The following GPM6A variants were observed in gnomAD, a reference collection of about 807,000 sequenced individuals.
GPM6A encodes neuronal membrane glycoprotein M6-a.
GPM6A carries 7 observed loss-of-function variants against 32.1 expected under a neutral mutation model. That is an observed-to-expected ratio of 0.22 (90% CI 0.12 to 0.41). The LOEUF (loss-of-function observed/expected upper bound fraction) is 0.41. Ranked by LOEUF, GPM6A falls within the 10% of genes least tolerant of loss-of-function variation. GPM6A has a pLI of 1.00. For synonymous variants in GPM6A, 130 were observed against 123.4 expected, an observed-to-expected ratio of 1.05 and a Z score of -0.35; for missense variants, 235 against 347.2, an observed-to-expected ratio of 0.68 and a Z score of 2.57.
At chr4:175,907,720 G>A (rs1338153781) in intron 1 of GPM6A, among the ~76,000 whole-genome samples, 2 of 152,066 alleles carry the variant, frequency 1.3e-5, no homozygotes, top group South Asian at 2.1e-4. Context: ...GGCTTGCTAT[G>A]TTTCTTCTGG....
At chr4:175,888,982 A>T (rs769074848) in intron 1 of GPM6A, among the ~76,000 whole-genome samples, 10 of 152,196 alleles carry the variant, frequency 6.6e-5, no homozygotes, top group Non-Finnish European at 1.3e-4. Context: ...TAGAGCCTAG[A>T]AATAGATCCC....
chr4:175,795,786 A>G lies in GPM6A; in HGVS notation c.37+16405T>C, dbSNP rs1734197540. ...AATATGATAAAATAAAATAAGTAAAAGTACCGTGGCTTCCAACTTACATGG... is the reference window on the plus strand; with the variant it reads ...AATATGATAAAATAAAATAAGTAAAGGTACCGTGGCTTCCAACTTACATGG... On this transcript the variant is annotated intron_variant, in intron 1 of 6. Coordinates refer to ENST00000393658, the MANE Select transcript of GPM6A (RefSeq NM_201591.3). The G allele has an allele frequency of 2.6e-5, 4 of 152,182 alleles. No individual in the cohort carries two copies. The South Asian group carries it at 8.3e-4, about 31-fold the overall frequency. 9.4% of individuals were successfully genotyped at this position (152,182 alleles called of 1,614,324 possible).
chr4:175,655,981 C>T (rs1176171748), intron 3 of GPM6A, among the ~76,000 whole-genome samples: 1 of 151,952 alleles, frequency 6.6e-6, no homozygotes, highest in Non-Finnish European at 1.5e-5. Flanking sequence ...CATAAGGAAA[C>T]TATTTCTGTC....
intron 6 of GPM6A, among the ~76,000 whole-genome samples, chr4:175,637,780 T>G (rs1487631356): frequency 1.2e-5 from 1 of 82,602 alleles, no homozygotes; most frequent in Non-Finnish European, 2.3e-5. Flanking sequence ...ATAATCTATA[T>G]ATAATATATA....
intron 1 of GPM6A, chr4:175,962,009 A>G (rs1343016363): frequency 8.5e-6 from 5 of 585,262 alleles, no homozygotes; most frequent in African/African-American, 5.6e-5. Flanking sequence ...AGGGGAGCAC[A>G]ACTGAAAATG....
At chr4:175,896,974 T>G (rs1408697766) in intron 1 of GPM6A, among the ~76,000 whole-genome samples, 1 of 152,130 alleles carries the variant, frequency 6.6e-6, no homozygotes, top group East Asian at 1.9e-4. Flanking sequence ...TCAAGATGAT[T>G]AACTCAAGCA....
chr4:175,994,041 T>C (rs1741230387), intron 1 of GPM6A, among the ~76,000 whole-genome samples: 1 of 152,102 alleles, frequency 6.6e-6, no homozygotes, highest in Admixed American at 6.6e-5. Flanking sequence ...GAAAGGAGAG[T>C]TTTGAACCTA....
intron 2 of GPM6A, among the ~76,000 whole-genome samples, chr4:175,687,514 T>G (rs867067412): frequency 2.2e-4 from 33 of 152,002 alleles, no homozygotes; most frequent in Admixed American, 2.6e-4. Flanking sequence ...TTCCTCCTTT[T>G]TTGTGGCCAA....
At chr4:175,958,002 C>T (rs1228624004) in intron 1 of GPM6A, among the ~76,000 whole-genome samples, 1 of 152,226 alleles carries the variant, frequency 6.6e-6, no homozygotes. Context: ...AAACAATTCT[C>T]CTGCCTCAGC....
chr4:175,867,644 T>C (rs776103786), intron 1 of GPM6A, among the ~76,000 whole-genome samples: 1 of 152,236 alleles, frequency 6.6e-6, no homozygotes, highest in Non-Finnish European at 1.5e-5. Context: ...TCCATAGATC[T>C]ACTGATCTAT....
At chr4:175,700,122 C>A (rs1744795983) in intron 2 of GPM6A, among the ~76,000 whole-genome samples, 1 of 152,024 alleles carries the variant, frequency 6.6e-6, no homozygotes, top group Admixed American at 6.6e-5. Flanking sequence ...CTCAGCCTCC[C>A]AAAGTGCTGG....
intron 1 of GPM6A, among the ~76,000 whole-genome samples, chr4:175,825,585 G>C (rs982999126): frequency 6.6e-6 from 1 of 152,190 alleles, no homozygotes; most frequent in African/African-American, 2.4e-5. Flanking sequence ...GCAGTGAAGA[G>C]TGTTTTAGAG....
chr4:175,870,603 C>T (rs1736876574), intron 1 of GPM6A, among the ~76,000 whole-genome samples: 1 of 152,134 alleles, frequency 6.6e-6, no homozygotes, highest in Non-Finnish European at 1.5e-5. Context: ...CTGAGAATTT[C>T]CTCTTTTAAA....
intron 1 of GPM6A, among the ~76,000 whole-genome samples, chr4:175,757,440 T>C (rs1180045177): frequency 6.6e-6 from 1 of 152,054 alleles, no homozygotes; most frequent in Non-Finnish European, 1.5e-5. Flanking sequence ...CCCACAGTAA[T>C]CGTGGGATAT....
chr4:175,855,654 T>C (rs1284358356), intron 1 of GPM6A, among the ~76,000 whole-genome samples: 1 of 152,142 alleles, frequency 6.6e-6, no homozygotes, highest in Non-Finnish European at 1.5e-5. Flanking sequence ...ATTAAGTAAA[T>C]AGATGACAGA....
intron 6 of GPM6A, among the ~76,000 whole-genome samples, chr4:175,635,327 A>G (rs1740515485): frequency 6.6e-6 from 1 of 152,140 alleles, no homozygotes; most frequent in East Asian, 1.9e-4. Flanking sequence ...CTTAGTCTTT[A>G]TAGGATGTTT....
intron 6 of GPM6A, among the ~76,000 whole-genome samples, chr4:175,636,282 A>ATATATG (rs1465584836): frequency 7.2e-6 from 1 of 138,620 alleles, no homozygotes; most frequent in Non-Finnish European, 1.6e-5. Context: ...ATATATATAT[A>ATATATG]TATATATATA....
At chr4:175,808,581 G>A (rs1339058844) in intron 1 of GPM6A, 1 of 152,108 alleles carries the variant, frequency 6.6e-6, no homozygotes, top group Non-Finnish European at 1.5e-5. Context: ...TGATGGAACT[G>A]GTCATTTGAT....
At chr4:175,708,915 A>G (rs991393994) in intron 1 of GPM6A, among the ~76,000 whole-genome samples, 1 of 152,170 alleles carries the variant, frequency 6.6e-6, no homozygotes, top group Admixed American at 6.5e-5. Flanking sequence ...AATTACCTGC[A>G]CAGTAAATAT....
Sources: allele counts gnomAD v4.1 joint callset (sites outside exome capture counted in the v4.1 genomes callset), GRCh38; gene constraint gnomAD v4.1.1; transcripts MANE v1.5; gene names NCBI Gene and HGNC (gene_info 2026-07-23, HGNC 2026-07-21).